The following ANKS1B variants were observed in gnomAD, a reference collection of about 807,000 sequenced individuals.
ANKS1B encodes the protein ankyrin repeat and sterile alpha motif domain-containing protein 1B.
In ANKS1B, 36 loss-of-function variants were observed where a neutral mutation model predicts 148.3. That is an observed-to-expected ratio of 0.24 (90% CI 0.19 to 0.32). The LOEUF (loss-of-function observed/expected upper bound fraction) is 0.32, where lower values mean the gene tolerates loss of function less well. Ranked by LOEUF, ANKS1B falls within the 10% of genes least tolerant of loss-of-function variation. ANKS1B has a pLI of 1.00. For missense variants in ANKS1B, 1,157 were observed against 1,542.6 expected, an observed-to-expected ratio of 0.75 and a Z score of 4.19; for synonymous variants, 542 against 560.8, an observed-to-expected ratio of 0.97 and a Z score of 0.47.
chr12:99,383,973 G>A (rs1237431380), intron 12 of ANKS1B, among the ~76,000 whole-genome samples: 1 of 152,002 alleles, frequency 6.6e-6, no homozygotes, highest in Non-Finnish European at 1.5e-5. Context: ...AGGCTGCAGT[G>A]AGCTGTAATC....
intron 9 of ANKS1B, among the ~76,000 whole-genome samples, chr12:99,596,363 C>A (rs922561022): frequency 2.0e-5 from 3 of 151,718 alleles, no homozygotes; most frequent in African/African-American, 4.8e-5. Context: ...CTCATATAAA[C>A]CTTTTTCCTG....
chr12:99,615,126 G>A (rs1006188772), intron 9 of ANKS1B, among the ~76,000 whole-genome samples: 1 of 152,082 alleles, frequency 6.6e-6, no homozygotes, highest in Non-Finnish European at 1.5e-5. Flanking sequence ...ATTCCAAAGT[G>A]TTTACACAGA....
intron 9 of ANKS1B, among the ~76,000 whole-genome samples, chr12:99,653,440 G>C (rs1421559728): frequency 6.6e-6 from 1 of 152,072 alleles, no homozygotes; most frequent in Admixed American, 6.6e-5. Context: ...AAGCAGTTAA[G>C]GGTAAGCTAA....
chr12:99,327,280 T>A (rs1489507300), intron 12 of ANKS1B, among the ~76,000 whole-genome samples: 3 of 115,006 alleles, frequency 2.6e-5, no homozygotes, highest in Non-Finnish European at 4.9e-5. Context: ...TAATTTATTA[T>A]AATTATAACA....
intron 8 of ANKS1B, among the ~76,000 whole-genome samples, chr12:99,675,706 C>A (rs1308691467): frequency 6.6e-6 from 1 of 151,658 alleles, no homozygotes; most frequent in African/African-American, 2.4e-5. Context: ...ATTTTTTACT[C>A]AAGGATATTT....
At chr12:99,401,340 A>G (rs926488845) in intron 11 of ANKS1B, among the ~76,000 whole-genome samples, 1 of 146,268 alleles carries the variant, frequency 6.8e-6, no homozygotes, top group African/African-American at 2.6e-5. Context: ...GCTGGCTCCA[A>G]TGGAGCCCAT....
rs200550177 is a variant in ANKS1B, at chr12:98,775,090, G to C, written c.3442-1911C>G. ...AACCTCTGCCATTATCTTGATTGGG[G>C]GCAGCCAATGCCCTGGGAAGCCTGG... On this transcript the variant is annotated intron_variant, in intron 24 of 26. Coordinates refer to ENST00000683438, the MANE Select transcript of ANKS1B (RefSeq NM_001352186.2). Among the ~76,000 whole-genome samples the C allele has an allele frequency of 2.6e-5, 4 of 152,280 alleles. No homozygotes were observed. In the East Asian group the frequency reaches 7.7e-4, roughly 29 times the overall value.
At chr12:99,850,951 C>T (rs979027505) in intron 1 of ANKS1B, among the ~76,000 whole-genome samples, 1 of 152,004 alleles carries the variant, frequency 6.6e-6, no homozygotes, top group African/African-American at 2.4e-5. Context: ...ACATGCTCTT[C>T]CTATTTTTTG....
At chr12:98,817,133 G>A (rs942335059) in intron 19 of ANKS1B, among the ~76,000 whole-genome samples, 1 of 152,210 alleles carries the variant, frequency 6.6e-6, no homozygotes, top group Non-Finnish European at 1.5e-5. Flanking sequence ...GAAAGCTCAA[G>A]GAATAATGAA....
intron 17 of ANKS1B, among the ~76,000 whole-genome samples, chr12:98,988,907 G>T (rs2099925011): frequency 6.6e-6 from 1 of 152,130 alleles, no homozygotes; most frequent in Non-Finnish European, 1.5e-5. Flanking sequence ...GTTCTTTGGA[G>T]AAATGTCAAT....
intron 24 of ANKS1B, among the ~76,000 whole-genome samples, chr12:98,773,810 T>A (rs1394273053): frequency 6.6e-6 from 1 of 152,216 alleles, no homozygotes; most frequent in African/African-American, 2.4e-5. Context: ...CCATTCCCCA[T>A]GTCCACCTGT....
chr12:99,622,455 T>G (rs977050663), intron 9 of ANKS1B, among the ~76,000 whole-genome samples: 62 of 151,960 alleles, frequency 4.1e-4, no homozygotes, highest in Middle Eastern at 3.4e-3. Flanking sequence ...AACCAAAAAT[T>G]GTTTTTGTAA....
chr12:99,515,475 A>G lies in ANKS1B; in HGVS notation c.1273-10834T>C, dbSNP rs188623569. Among the ~76,000 whole-genome samples, 20 of 152,232 alleles carry G rather than the reference A, an allele frequency of 1.3e-4. 1 individual carries two copies. Among genetic ancestry groups the G allele is most frequent in the Admixed American group, 1.3e-3 (20 of 15,284 alleles). ...TATTTCACTTAACGTAATGACCTCCAGTTCTATCCATGTTGTTGCAAATAA... is the reference window on the plus strand; with the variant it reads ...TATTTCACTTAACGTAATGACCTCCGGTTCTATCCATGTTGTTGCAAATAA... On this transcript the variant is annotated intron_variant, in intron 9 of 26. Transcript: ENST00000683438.
At chr12:99,675,566 C>G (rs1419848288) in intron 8 of ANKS1B, among the ~76,000 whole-genome samples, 1 of 151,402 alleles carries the variant, frequency 6.6e-6, no homozygotes, top group East Asian at 1.9e-4. Flanking sequence ...TAATACTTTT[C>G]TGAATTTTGC....
chr12:98,764,355 T>C (rs950948716), intron 25 of ANKS1B, among the ~76,000 whole-genome samples: 3 of 152,128 alleles, frequency 2.0e-5, no homozygotes, highest in African/African-American at 4.8e-5. Context: ...GTCTCCTGAG[T>C]AGCTGGGATT....
At chr12:99,609,258 T>C (rs755120211) in intron 9 of ANKS1B, among the ~76,000 whole-genome samples, 1 of 152,020 alleles carries the variant, frequency 6.6e-6, no homozygotes, top group Non-Finnish European at 1.5e-5. Context: ...TGTCTTATTA[T>C]CAGATTTCAG....
intron 17 of ANKS1B, among the ~76,000 whole-genome samples, chr12:98,874,660 G>C (rs1182649444): frequency 2.0e-5 from 3 of 152,036 alleles, no homozygotes; most frequent in African/African-American, 7.2e-5. Context: ...AAAAAGACTA[G>C]GAACCTGGTT....
At chr12:99,922,151 A>G (rs35373452) in intron 1 of ANKS1B, among the ~76,000 whole-genome samples, 18,189 of 152,236 alleles carry the variant, frequency 0.12, 1,448 homozygotes, top group Middle Eastern at 0.18. Context: ...TAAAGCATTT[A>G]AAACAGTGCC....
At chr12:99,260,956 T>G (rs10083141) in intron 12 of ANKS1B, among the ~76,000 whole-genome samples, 2,481 of 152,228 alleles carry the variant, frequency 0.016, 67 homozygotes, top group African/African-American at 0.057. Context: ...TCACAGAAAT[T>G]TTCAGGTTGG....
Sources: allele counts gnomAD v4.1 joint callset (sites outside exome capture counted in the v4.1 genomes callset), GRCh38; gene constraint gnomAD v4.1.1; transcripts MANE v1.5; gene names NCBI Gene and HGNC (gene_info 2026-07-23, HGNC 2026-07-21).